Variants in ADAM23 observed in about 807,000 individuals in gnomAD.
The protein encoded by ADAM23 is ADAM metallopeptidase domain 23.
In ADAM23, 33 loss-of-function variants were observed where a neutral mutation model predicts 120.1. That is an observed-to-expected ratio of 0.27 (90% CI 0.21 to 0.37). The LOEUF (loss-of-function observed/expected upper bound fraction) is 0.37, where lower values mean the gene tolerates loss of function less well. Ranked by LOEUF, ADAM23 falls within the 10% of genes least tolerant of loss-of-function variation. The pLI is 1.00. For synonymous variants in ADAM23, 367 were observed against 375.2 expected (o/e 0.98, Z 0.25); for missense variants, 862 against 1,058.2 (o/e 0.81, Z 2.57).
intron 3 of ADAM23, among the ~76,000 whole-genome samples, chr2:206,493,092 T>C (rs1179277893): frequency 6.6e-6 from 1 of 152,202 alleles, no homozygotes; most frequent in Admixed American, 6.5e-5. Context: ...AGACTCTTGA[T>C]GGTCATCTGT....
intron 4 of ADAM23, among the ~76,000 whole-genome samples, chr2:206,540,173 C>T (rs545984580): frequency 6.8e-6 from 1 of 147,606 alleles, no homozygotes; most frequent in African/African-American, 2.5e-5. Flanking sequence ...CAGAGTGAGA[C>T]TGTCTTTAAA....
At chr2:206,506,741 A>G (rs1696504672) in intron 3 of ADAM23, among the ~76,000 whole-genome samples, 1 of 152,204 alleles carries the variant, frequency 6.6e-6, no homozygotes, top group Admixed American at 6.5e-5. Flanking sequence ...GTCATGCTTA[A>G]TCATCATTTG....
At chr2:206,481,713 A>G (rs963622980) in intron 3 of ADAM23, among the ~76,000 whole-genome samples, 8 of 152,226 alleles carry the variant, frequency 5.3e-5, no homozygotes, top group African/African-American at 1.4e-4. Context: ...AGAACAGAGT[A>G]AGTGATGACT....
At chr2:206,547,228 A>G (rs1189661723) in intron 6 of ADAM23, among the ~76,000 whole-genome samples, 2 of 152,196 alleles carry the variant, frequency 1.3e-5, no homozygotes, top group Non-Finnish European at 2.9e-5. Context: ...CTATGTTTTT[A>G]TCTAAACTGG....
chr2:206,562,578 C>T (rs2105823617), intron 13 of ADAM23, among the ~76,000 whole-genome samples: 1 of 152,300 alleles, frequency 6.6e-6, no homozygotes, highest in African/African-American at 2.4e-5. Flanking sequence ...GGAATACTCT[C>T]ACACTCAGGG....
At chr2:206,499,469 A>G (rs2105892192) in intron 3 of ADAM23, among the ~76,000 whole-genome samples, 1 of 136,118 alleles carries the variant, frequency 7.3e-6, no homozygotes, top group South Asian at 2.6e-4. Context: ...CAGGAAGAGG[A>G]ACATCACACA....
chr2:206,540,160 C>T lies in ADAM23; in HGVS notation c.574-1892C>T, dbSNP rs150239407. ...TCATGCCACTGCACTCCAGCCTGGG[C>T]GACAGAGTGAGACTGTCTTTAAAAA... is the stretch of plus-strand genomic sequence containing the variant. On this transcript the variant is annotated intron_variant, in intron 4 of 25. Transcript: ENST00000264377. 9.8e-4 allele frequency among the ~76,000 whole-genome samples: 146 copies of T among 148,916 alleles called. 2 individuals are homozygous for T. The East Asian group carries it at 0.026, about 27-fold the overall frequency.
At chr2:206,478,127 T>A (rs576647806) in intron 2 of ADAM23, among the ~76,000 whole-genome samples, 5 of 151,848 alleles carry the variant, frequency 3.3e-5, no homozygotes, top group Non-Finnish European at 7.4e-5. Context: ...GTAGCACTTG[T>A]CAGGTATTTA....
chr2:206,527,808 A>T (rs1696972560), intron 3 of ADAM23, among the ~76,000 whole-genome samples: 1 of 152,132 alleles, frequency 6.6e-6, no homozygotes, highest in Non-Finnish European at 1.5e-5. Context: ...GTAAATGGGG[A>T]TGTGTGCTAT....
intron 4 of ADAM23, among the ~76,000 whole-genome samples, chr2:206,534,910 T>C (rs1697140248): frequency 6.6e-6 from 1 of 152,016 alleles, no homozygotes; most frequent in Non-Finnish European, 1.5e-5. Flanking sequence ...GAAGAGCGGC[T>C]TGACTGCTGG....
At chr2:206,473,673 A>G (rs1461067457) in intron 2 of ADAM23, among the ~76,000 whole-genome samples, 2 of 151,744 alleles carry the variant, frequency 1.3e-5, no homozygotes, top group Non-Finnish European at 1.5e-5. Flanking sequence ...TCAGTTACTC[A>G]TTTGATTTCC....
chr2:206,605,680 T>C (rs1698715424), intron 24 of ADAM23: 1 of 659,310 alleles, frequency 1.5e-6, no homozygotes, highest in South Asian at 1.7e-5. Context: ...GCAAAAAAAT[T>C]CAATATTTAG....
intron 25 of ADAM23, among the ~76,000 whole-genome samples, chr2:206,613,163 G>A (rs935833803): frequency 6.6e-6 from 1 of 152,028 alleles, no homozygotes; most frequent in South Asian, 2.1e-4. Flanking sequence ...AGGTTCAGGC[G>A]ATTCTCCTGC....
chr2:206,467,704 C>T (rs1005993425), intron 2 of ADAM23, among the ~76,000 whole-genome samples: 5 of 152,186 alleles, frequency 3.3e-5, no homozygotes, highest in African/African-American at 1.2e-4. Context: ...AGGCAGTACC[C>T]CAGTGGGGAC....
intron 2 of ADAM23, among the ~76,000 whole-genome samples, chr2:206,459,926 C>T: frequency 6.6e-6 from 1 of 152,222 alleles, no homozygotes; most frequent in East Asian, 1.9e-4. Flanking sequence ...GTCTAACCCA[C>T]TATCTCTCAC....
chr2:206,574,947 T>A (rs1046247070), intron 18 of ADAM23, among the ~76,000 whole-genome samples: 53 of 152,218 alleles, frequency 3.5e-4, no homozygotes, highest in African/African-American at 1.3e-3. Flanking sequence ...CTGTAAATGC[T>A]GGGACATGGC....
intron 4 of ADAM23, among the ~76,000 whole-genome samples, chr2:206,533,119 A>T (rs1443550190): frequency 1.3e-5 from 2 of 152,188 alleles, no homozygotes; most frequent in Non-Finnish European, 2.9e-5. Context: ...CCAGAAAAGG[A>T]AATTAATATG....
At chr2:206,543,931 G>GA (rs1697345082) in intron 6 of ADAM23, among the ~76,000 whole-genome samples, 1 of 152,208 alleles carries the variant, frequency 6.6e-6, no homozygotes, top group South Asian at 2.1e-4. Context: ...GCTAAGCCAT[G>GA]AGGACACAAA....
intron 25 of ADAM23, among the ~76,000 whole-genome samples, chr2:206,616,900 CTG>C (rs1698944103): frequency 6.6e-6 from 1 of 152,178 alleles, no homozygotes; most frequent in Non-Finnish European, 1.5e-5. Flanking sequence ...AGACTGGACA[CTG>C]TGAGCAAAGC....
Sources: gnomAD v4.1 joint callset for allele counts (sites outside exome capture counted in the v4.1 genomes callset) on GRCh38, gnomAD v4.1.1 for gene constraint, MANE v1.5 for transcripts, NCBI Gene and HGNC (gene_info 2026-07-23, HGNC 2026-07-21) for gene names.